PAK5: variants seen among roughly 807,000 people sequenced by gnomAD.
PAK5 encodes the protein p21 (RAC1) activated kinase 5, also known as serine/threonine-protein kinase PAK 5.
PAK5 carries 16 observed loss-of-function variants against 65.9 expected under a neutral mutation model. The ratio of observed to expected loss-of-function variants is 0.24; its 90% CI spans 0.16 to 0.37. PAK5 has a LOEUF of 0.37. Ranked by LOEUF, PAK5 falls within the 10% of genes least tolerant of loss-of-function variation. The probability of loss-of-function intolerance (pLI) is 1.00; values close to 1 mark genes in which losing one functional copy is unlikely to be tolerated. For synonymous variants in PAK5, 371 were observed against 354.9 expected (o/e 1.05, Z -0.51); for missense variants, 785 against 903.9 (o/e 0.87, Z 1.69).
chr20:9,664,129 T>C (rs2123341977), intron 2 of PAK5, among the ~76,000 whole-genome samples: 1 of 152,256 alleles, frequency 6.6e-6, no homozygotes, highest in South Asian at 2.1e-4. Context: ...CACTGTACCA[T>C]AGAAAGAGCC....
intron 3 of PAK5, among the ~76,000 whole-genome samples, chr20:9,582,410 A>G (rs2045994959): frequency 6.6e-6 from 1 of 152,042 alleles, no homozygotes; most frequent in Non-Finnish European, 1.5e-5. Context: ...TGTTTTTCCC[A>G]TGTTTAAACA....
At chr20:9,829,339 C>T (rs114599773) in intron 1 of PAK5, among the ~76,000 whole-genome samples, 3,848 of 152,146 alleles carry the variant, frequency 0.025, 168 homozygotes, top group African/African-American at 0.088. Context: ...GTTCAAGGAC[C>T]TCAGATAAAA....
chr20:9,638,549 C>G (rs894332423), intron 3 of PAK5, among the ~76,000 whole-genome samples: 1 of 152,226 alleles, frequency 6.6e-6, no homozygotes, highest in African/African-American at 2.4e-5. Flanking sequence ...AGACCAGCAG[C>G]ATCAGTACCA....
intron 2 of PAK5, among the ~76,000 whole-genome samples, chr20:9,648,005 C>A (rs1215247014): frequency 6.6e-6 from 1 of 152,076 alleles, no homozygotes; most frequent in Non-Finnish European, 1.5e-5. Context: ...CAGAATATTT[C>A]TTCTCTCTGA....
intron 2 of PAK5, among the ~76,000 whole-genome samples, chr20:9,650,362 T>C (rs1416446780): frequency 6.6e-6 from 1 of 152,238 alleles, no homozygotes; most frequent in Non-Finnish European, 1.5e-5. Flanking sequence ...TTTATATGAC[T>C]GTGTCACTAG....
At chr20:9,583,864 G>A (rs2046023236) in intron 3 of PAK5, among the ~76,000 whole-genome samples, 1 of 152,184 alleles carries the variant, frequency 6.6e-6, no homozygotes, top group South Asian at 2.1e-4. Flanking sequence ...TCATATGGAT[G>A]GAATCATACA....
At chr20:9,785,610 A>C (rs2048983848) in intron 1 of PAK5, among the ~76,000 whole-genome samples, 1 of 152,158 alleles carries the variant, frequency 6.6e-6, no homozygotes, top group South Asian at 2.1e-4. Context: ...CATTTTACAG[A>C]GAATTGCTCA....
chr20:9,557,061 G>C (rs1175986309), intron 7 of PAK5, among the ~76,000 whole-genome samples: 1 of 152,158 alleles, frequency 6.6e-6, no homozygotes. Context: ...CCAGGACCTT[G>C]CCTCACCACT....
intron 2 of PAK5, among the ~76,000 whole-genome samples, chr20:9,669,396 T>A (rs2047463168): frequency 6.6e-6 from 1 of 152,212 alleles, no homozygotes; most frequent in Admixed American, 6.5e-5. Flanking sequence ...ACTTTTATTT[T>A]AAGTGATTAT....
At chr20:9,573,933 G>A (rs1318012921) in intron 4 of PAK5, among the ~76,000 whole-genome samples, 2 of 152,150 alleles carry the variant, frequency 1.3e-5, no homozygotes, top group Non-Finnish European at 2.9e-5. Context: ...AAATGAAAAC[G>A]CCAGGCTGGG....
intron 7 of PAK5, among the ~76,000 whole-genome samples, chr20:9,551,371 G>A (rs1457716797): frequency 1.3e-5 from 2 of 152,140 alleles, no homozygotes; most frequent in Non-Finnish European, 2.9e-5. Flanking sequence ...CCCCTAAAAG[G>A]AGAAAATGTA....
intron 4 of PAK5, chr20:9,575,879 C>G (rs987731160): frequency 3.9e-5 from 6 of 152,178 alleles, no homozygotes; most frequent in African/African-American, 1.4e-4. Context: ...GTTTGGAATC[C>G]TGACTCAGTT....
chr20:9,725,125 A>G (rs142145541), intron 1 of PAK5, among the ~76,000 whole-genome samples: 11 of 152,286 alleles, frequency 7.2e-5, no homozygotes, highest in Admixed American at 3.3e-4. Flanking sequence ...CATATTGCAT[A>G]TAACTGTGCC....
At chr20:9,552,793 C>T (rs1485630374) in intron 7 of PAK5, among the ~76,000 whole-genome samples, 3 of 151,126 alleles carry the variant, frequency 2.0e-5, no homozygotes, top group African/African-American at 4.9e-5. Flanking sequence ...ATGATCTTGG[C>T]TCACTGCAGC....
At chr20:9,600,604 C>T (rs1033286756) in intron 3 of PAK5, among the ~76,000 whole-genome samples, 1 of 152,130 alleles carries the variant, frequency 6.6e-6, no homozygotes, top group South Asian at 2.1e-4. Flanking sequence ...TAATAGATAA[C>T]CATTATTGAT....
Position 9,620,959 on chromosome 20 carries a change from A to AAG in PAK5, c.204+23164_204+23165dup, listed in dbSNP as rs71803029. Among the ~76,000 whole-genome samples the AAG allele has an allele frequency of 2.5e-3, 362 of 147,142 alleles. 1 individual carries two copies. Among genetic ancestry groups the AAG allele is most frequent in the African/African-American group, 7.2e-3 (287 of 39,936 alleles). ...CAGCAGCCAGAGAAAGAGAGAGAGA[A>AAG]AGAGAGAGAGAGAGAGAGAGAGAGA... On this transcript the variant is annotated intron_variant, in intron 3 of 9. Coordinates refer to ENST00000353224, the MANE Select transcript of PAK5 (RefSeq NM_177990.4).
chr20:9,798,260 A>T (rs974025271), intron 1 of PAK5, among the ~76,000 whole-genome samples: 9 of 150,812 alleles, frequency 6.0e-5, no homozygotes, highest in African/African-American at 2.2e-4. Context: ...GGTAAAAAAA[A>T]TGGTTCATAG....
At chr20:9,701,761 G>A (rs889974483) in intron 2 of PAK5, among the ~76,000 whole-genome samples, 1 of 152,090 alleles carries the variant, frequency 6.6e-6, no homozygotes, top group Non-Finnish European at 1.5e-5. Flanking sequence ...CACTTTGGGA[G>A]GCTGAGGCAG....
At chr20:9,572,829 G>A (rs1166396925) in intron 4 of PAK5, among the ~76,000 whole-genome samples, 1 of 152,160 alleles carries the variant, frequency 6.6e-6, no homozygotes, top group African/African-American at 2.4e-5. Context: ...AGAGAACAGT[G>A]CTGTGATTTT....
Sources: allele counts gnomAD v4.1 joint callset (sites outside exome capture counted in the v4.1 genomes callset), GRCh38; gene constraint gnomAD v4.1.1; transcripts MANE v1.5; gene names NCBI Gene and HGNC (gene_info 2026-07-23, HGNC 2026-07-21).